Variants in AGPAT3 observed in about 807,000 individuals in gnomAD.
The protein encoded by AGPAT3 is 1-acylglycerol-3-phosphate O-acyltransferase 3.
In AGPAT3, 5 loss-of-function variants were observed where a neutral mutation model predicts 47.3. The observed-to-expected ratio is 0.11, with a 90% confidence interval of 0.06 to 0.22. The LOEUF is 0.22. Ranked by LOEUF, AGPAT3 falls within the 10% of genes least tolerant of loss-of-function variation. AGPAT3 has a pLI of 1.00. For missense variants in AGPAT3, 315 were observed against 493.0 expected (o/e 0.64, Z 3.42); for synonymous variants, 212 against 208.3 (o/e 1.02, Z -0.15).
intron 2 of AGPAT3, among the ~76,000 whole-genome samples, chr21:43,921,999 C>T (rs1391251964): frequency 2.0e-5 from 3 of 152,204 alleles, no homozygotes; most frequent in African/African-American, 7.2e-5. Flanking sequence ...CCTGATTTCT[C>T]TGTCTCTCGA....
Position 43,986,073 on chromosome 21 carries a change from G to C in AGPAT3, c.*3681G>C, listed in dbSNP as rs960899691. The C allele has an allele frequency of 1.3e-5, 2 of 152,268 alleles. No homozygotes were observed. Among genetic ancestry groups the C allele is most frequent in the African/African-American group, 2.4e-5 (1 of 41,464 alleles). The allele number at this position is 152,268 out of a possible 1,614,324, so 9.4% of individuals were successfully genotyped here. A position where few individuals can be genotyped will look rare whatever the true frequency, so the allele number is the denominator to read the frequency against. On this transcript the variant is annotated 3_prime_UTR_variant, in exon 10 of 10. Coordinates refer to ENST00000291572, the MANE Select transcript of AGPAT3 (RefSeq NM_020132.5). The stretch of plus-strand genomic sequence containing the variant: ...TGCCCCATACCCCTGCCGTGGGGCC[G>C]ACCTGGGGGATGCAGACATCCGGCT...
At chr21:43,978,265 C>T in intron 8 of AGPAT3, 144 bp downstream of exon 8, 1 of 585,192 alleles carries the variant, frequency 1.7e-6, no homozygotes, top group South Asian at 2.1e-5. Context: ...ATCCTTCTTT[C>T]ATTTCTTCTT....
intron 1 of AGPAT3, among the ~76,000 whole-genome samples, chr21:43,868,507 G>C (rs995889254): frequency 3.3e-5 from 5 of 152,062 alleles, no homozygotes; most frequent in African/African-American, 1.2e-4. Context: ...TGTTGGAGAT[G>C]GTCTCGATTC....
At chr21:43,948,421 C>G (rs35150059) in intron 2 of AGPAT3, 1 of 151,628 alleles carries the variant, frequency 6.6e-6, no homozygotes, top group Admixed American at 6.6e-5. Flanking sequence ...ACCCAGGGCA[C>G]ATGCCCATCC....
chr21:43,868,475 G>A (rs1338746463), intron 1 of AGPAT3, among the ~76,000 whole-genome samples: 1 of 152,164 alleles, frequency 6.6e-6, no homozygotes, highest in Non-Finnish European at 1.5e-5. Context: ...TGTCCCCAGT[G>A]ACTGGGAAGG....
chr21:43,934,937 CCACGCCACT>C lies in AGPAT3; in HGVS notation c.-48-24693_-48-24685del, dbSNP rs2087387035. ...ACCACCTCTGCCCCTCACATGTCAC[CCACGCCACT>C]CACATGCCACTCACATGCCATTGAC... is the stretch of plus-strand genomic sequence containing the variant. On this transcript the variant is annotated intron_variant, in intron 2 of 9. Coordinates refer to ENST00000291572, the MANE Select transcript of AGPAT3 (RefSeq NM_020132.5). The surrounding 1 kb of genome is among the most constrained non-coding windows in gnomAD (Gnocchi z 4.7). Among the ~76,000 whole-genome samples the C allele has an allele frequency of 6.6e-6, 1 of 151,442 alleles. No homozygotes were observed. The highest frequency in any genetic ancestry group is 2.1e-4 in the South Asian group (1 of 4,782).
intron 7 of AGPAT3, among the ~76,000 whole-genome samples, chr21:43,971,872 G>C (rs1421120346): frequency 1.3e-5 from 2 of 152,164 alleles, no homozygotes; most frequent in Admixed American, 6.5e-5. Flanking sequence ...CTGTCCCTTT[G>C]TGGGCTTTGT....
At chr21:43,865,605 A>G (rs1343838708) in intron 1 of AGPAT3, among the ~76,000 whole-genome samples, 1 of 149,886 alleles carries the variant, frequency 6.7e-6, no homozygotes, top group Non-Finnish European at 1.5e-5. Flanking sequence ...GGCCTGGTCC[A>G]GCGCGAGGCC....
At position 43,930,378 on chromosome 21, in the gene AGPAT3, C is replaced by A. The variant is rs566729880; in HGVS notation, c.-49+26359C>A. On this transcript the variant is annotated intron_variant, in intron 2 of 9. Coordinates refer to ENST00000291572, the MANE Select transcript of AGPAT3 (RefSeq NM_020132.5). This position sits in a 1 kb window ranked among gnomAD's most constrained non-coding sequence, Gnocchi z 5.0. ...AGGCAGTGGAGCTAGCGGGGCAGAG[C>A]TGTGCTGAGCGCTGAGGGATCATTT... Among the ~76,000 whole-genome samples, 6 of 152,316 alleles carry A rather than the reference C, an allele frequency of 3.9e-5. No homozygotes were observed. The East Asian group carries it at 1.2e-3, about 29-fold the overall frequency.
chr21:43,970,419 A>G lies in AGPAT3; in HGVS notation c.511-234A>G, dbSNP rs1452878024. Among the ~76,000 whole-genome samples, 1 of 152,196 alleles carries G rather than the reference A, an allele frequency of 6.6e-6. No homozygotes were observed. Among genetic ancestry groups the G allele is most frequent in the Non-Finnish European group, 1.5e-5 (1 of 68,030 alleles). ...CTTCATGTTTCACTTCTTTCTGGAAAGTTCTTTCTGGAGAGCTCTCCTGTG... is the reference window on the plus strand; with the variant it reads ...CTTCATGTTTCACTTCTTTCTGGAAGGTTCTTTCTGGAGAGCTCTCCTGTG... On this transcript the variant is annotated intron_variant, in intron 5 of 9. Coordinates refer to ENST00000291572, the MANE Select transcript of AGPAT3 (RefSeq NM_020132.5). The surrounding 1 kb of genome is among the most constrained non-coding windows in gnomAD (Gnocchi z 5.8).
intron 1 of AGPAT3, among the ~76,000 whole-genome samples, chr21:43,890,307 G>A (rs2086074798): frequency 6.6e-6 from 1 of 152,180 alleles, no homozygotes; most frequent in Admixed American, 6.5e-5. Context: ...CGTCATGATG[G>A]TAGACTTCCA....
intron 1 of AGPAT3, among the ~76,000 whole-genome samples, chr21:43,899,588 G>A (rs914785350): frequency 2.0e-5 from 3 of 152,126 alleles, no homozygotes; most frequent in Admixed American, 6.5e-5. Flanking sequence ...ACAGGGAGGA[G>A]GGAGCCCTGC....
At chr21:43,927,492 GA>G (rs1243809982) in intron 2 of AGPAT3, among the ~76,000 whole-genome samples, 38 of 152,300 alleles carry the variant, frequency 2.5e-4, no homozygotes, top group African/African-American at 8.9e-4. Context: ...CCTGATTTTA[GA>G]AGTTAGCAAA....
At chr21:43,923,799 G>A (rs775676348) in intron 2 of AGPAT3, among the ~76,000 whole-genome samples, 18 of 152,216 alleles carry the variant, frequency 1.2e-4, no homozygotes, top group Non-Finnish European at 2.4e-4. Flanking sequence ...GAGCTGGGGT[G>A]CACGGGCCTC....
intron 2 of AGPAT3, among the ~76,000 whole-genome samples, chr21:43,949,265 G>A (rs1323806002): frequency 1.3e-5 from 2 of 152,086 alleles, no homozygotes; most frequent in Non-Finnish European, 2.9e-5. Flanking sequence ...CCATCATGTC[G>A]GGGGGCCCTC....
chr21:43,896,183 G>C (rs59930590), intron 1 of AGPAT3, among the ~76,000 whole-genome samples: 16,948 of 152,216 alleles, frequency 0.11, 1,875 homozygotes, highest in African/African-American at 0.29. Context: ...GGATTACAGG[G>C]GTGAGCCACC....
At chr21:43,907,842 C>T (rs191793792) in intron 2 of AGPAT3, among the ~76,000 whole-genome samples, 1 of 152,342 alleles carries the variant, frequency 6.6e-6, no homozygotes, top group African/African-American at 2.4e-5. Flanking sequence ...AAAGCAACAA[C>T]AACCAAACCC....
chr21:43,884,897 G>A (rs2085940391), intron 1 of AGPAT3, among the ~76,000 whole-genome samples: 1 of 152,220 alleles, frequency 6.6e-6, no homozygotes, highest in African/African-American at 2.4e-5. Context: ...TTGTGTAATT[G>A]TCTCCTTGTC....
intron 1 of AGPAT3, among the ~76,000 whole-genome samples, chr21:43,889,802 T>C (rs999548559): frequency 3.3e-5 from 5 of 152,230 alleles, no homozygotes; most frequent in African/African-American, 4.8e-5. Flanking sequence ...AAAATGCTAA[T>C]GATCATCTGA....
Sources: gnomAD v4.1 joint callset for allele counts (sites outside exome capture counted in the v4.1 genomes callset) on GRCh38, gnomAD v4.1.1 for gene constraint, Gnocchi (gnomAD v3.1) non-coding constraint, MANE v1.5 for transcripts, NCBI Gene and HGNC (gene_info 2026-07-23, HGNC 2026-07-21) for gene names.